ZC4H2: variants seen among roughly 807,000 people sequenced by gnomAD.
ZC4H2 encodes zinc finger C4H2-type containing.
For synonymous variants in ZC4H2, 84 were observed against 66.3 expected, an observed-to-expected ratio of 1.27 and a Z score of -1.30; for missense variants, 137 against 173.9, an observed-to-expected ratio of 0.79 and a Z score of 1.19.
At chrX:64,923,855 T>C (rs1275702058) in intron 1 of ZC4H2, among the ~76,000 whole-genome samples, 4 of 110,016 alleles carry the variant, frequency 3.6e-5, no homozygotes, top group African/African-American at 1.3e-4. Flanking sequence ...CTACATACCA[T>C]CCATACCATC....
intron 1 of ZC4H2, among the ~76,000 whole-genome samples, chrX:65,013,734 G>A (rs900377738): frequency 1.8e-4 from 20 of 111,647 alleles, no homozygotes; most frequent in Non-Finnish European, 3.8e-4. Context: ...ATAGTTACCT[G>A]TGAAAGACCC....
At chrX:64,927,838 G>A (rs1929499174) in intron 1 of ZC4H2, among the ~76,000 whole-genome samples, 1 of 112,428 alleles carries the variant, frequency 8.9e-6, no homozygotes, top group South Asian at 3.7e-4. Flanking sequence ...GTGTGAGATA[G>A]TATCTCATTT....
At chrX:64,980,956 A>G (rs1300895977), upstream of ZC4H2, among the ~76,000 whole-genome samples, 7 of 110,430 alleles carry the variant, frequency 6.3e-5, no homozygotes, top group Admixed American at 1.9e-4. Context: ...CAGGAGGGGG[A>G]ATGTTTTAGT....
chrX:64,925,876 A>G (rs1929403388), intron 1 of ZC4H2, among the ~76,000 whole-genome samples: 1 of 112,142 alleles, frequency 8.9e-6, no homozygotes, highest in Non-Finnish European at 1.9e-5. Flanking sequence ...TACAAGGTAC[A>G]TAGCCACAAT....
At chrX:65,012,561 A>G (rs751575432) in intron 1 of ZC4H2, among the ~76,000 whole-genome samples, 4 of 111,768 alleles carry the variant, frequency 3.6e-5, no homozygotes, top group Non-Finnish European at 7.5e-5. Flanking sequence ...ACATCTGCTC[A>G]ACAATCATAT....
chrX:65,028,657 G>T (rs1932905076), intron 1 of ZC4H2, among the ~76,000 whole-genome samples: 2 of 110,165 alleles, frequency 1.8e-5, no homozygotes, highest in South Asian at 7.8e-4. Context: ...TCAGCCTCCT[G>T]AATAGTTGGG....
chrX:65,007,942 A>C (rs1013248806), intron 1 of ZC4H2, among the ~76,000 whole-genome samples: 2 of 111,943 alleles, frequency 1.8e-5, no homozygotes, highest in African/African-American at 6.5e-5. Flanking sequence ...TCAGGTGACC[A>C]AAACAAAAAT....
At chrX:65,028,956 G>A (rs1359299460) in intron 1 of ZC4H2, among the ~76,000 whole-genome samples, 1 of 111,200 alleles carries the variant, frequency 9.0e-6, no homozygotes, top group Non-Finnish European at 1.9e-5. Flanking sequence ...ATGTTGAGTG[G>A]ACAGTTGGAC....
At chrX:65,022,148 A>G (rs1602459557) in intron 1 of ZC4H2, among the ~76,000 whole-genome samples, 1 of 112,127 alleles carries the variant, frequency 8.9e-6, no homozygotes, top group African/African-American at 3.2e-5. Flanking sequence ...ACAATAGAAA[A>G]AGAGAGAATC....
At chrX:64,976,530 C>G, upstream of ZC4H2, 1 of 536,102 alleles carries the variant, frequency 1.9e-6, no homozygotes, top group Non-Finnish European at 3.1e-6. Context: ...TCCGGAGCTT[C>G]AGGGCCAGCC....
Position 65,004,043 on chromosome X carries a change from G to A in ZC4H2, c.-272+30586C>T, listed in dbSNP as rs1264581443. Reference sequence around the variant, plus strand: ...ACTTCCAAGACTAAACCAGGAAGAAGTTGAATCCCTGAATAGACCAATAGC... The same window carrying A: ...ACTTCCAAGACTAAACCAGGAAGAAATTGAATCCCTGAATAGACCAATAGC... On this transcript the variant is annotated intron_variant, in intron 1 of 4. Coordinates refer to the ZC4H2 transcript ENST00000337990. Among the ~76,000 whole-genome samples, 4 of 111,815 alleles carry A rather than the reference G, an allele frequency of 3.6e-5. No homozygotes were observed. The Admixed American group carries it at 3.8e-4, about 11-fold the overall frequency.
At chrX:64,945,470 C>A (rs747432059) in intron 1 of ZC4H2, among the ~76,000 whole-genome samples, 7 of 111,400 alleles carry the variant, frequency 6.3e-5, no homozygotes, top group South Asian at 7.7e-4. Context: ...CCCAGAGGGG[C>A]ACCTGCCAGA....
intron 1 of ZC4H2, among the ~76,000 whole-genome samples, chrX:65,015,456 C>A (rs1410697117): frequency 4.5e-5 from 5 of 112,090 alleles, no homozygotes; most frequent in Admixed American, 9.4e-5. Context: ...TATGATGGCA[C>A]CTCACTCCTC....
At chrX:64,934,164 CTTG>C (rs1281641111) in intron 1 of ZC4H2, among the ~76,000 whole-genome samples, 2 of 112,102 alleles carry the variant, frequency 1.8e-5, no homozygotes, top group Middle Eastern at 4.7e-3. Flanking sequence ...AGGGTGTTAC[CTTG>C]TTGTGGTCCC....
chrX:64,952,046 A>T (rs1171189888), intron 1 of ZC4H2, among the ~76,000 whole-genome samples: 4 of 110,887 alleles, frequency 3.6e-5, no homozygotes, highest in Admixed American at 1.9e-4. Context: ...AGCACCATTT[A>T]TTAAATAGGG....
intron 1 of ZC4H2, among the ~76,000 whole-genome samples, chrX:65,026,419 G>A (rs1433400399): frequency 8.9e-6 from 1 of 111,782 alleles, no homozygotes; most frequent in Non-Finnish European, 1.9e-5. Context: ...AGCAACGAAA[G>A]GAATTTAGCG....
In ZC4H2 at chrX:64,919,157, G is replaced by A. The variant is rs1057310066; in HGVS notation, c.446C>T (p.Pro149Leu). 1 of 1,210,553 alleles carries A rather than the reference G, an allele frequency of 8.3e-7. No homozygotes were observed. The highest frequency in any genetic ancestry group is 1.7e-5 in the African/African-American group (1 of 57,738). The change falls in exon 4 of 5, where the codon CCC (proline) becomes CTC (leucine). Residue 149 changes from proline (P) to leucine (L), a missense_variant. Physicochemically the swap from Pro to Leu is moderately conservative, Grantham distance 98. Coordinates refer to ENST00000374839, the MANE Select transcript of ZC4H2 (RefSeq NM_018684.4). ...KAEWQTEPQE[P>L]PIPESLAAAA... The stretch of plus-strand genomic sequence containing the variant: ...AGCGGCCAGGGACTCAGGGATGGGG[G>A]GCTCCTGAGGTTCTGTCTGCCATTC...
intron 1 of ZC4H2, among the ~76,000 whole-genome samples, chrX:64,985,779 T>C (rs1440468109): frequency 2.7e-5 from 3 of 111,766 alleles, no homozygotes. Context: ...AATTTTCCTA[T>C]GGCAAGCAGA....
In ZC4H2 at chrX:64,962,003, C is replaced by T. The variant is rs887025947; in HGVS notation, c.53+14322G>A. ...ACAGACACTTAAAGAAGAGTTAATG[C>T]CAATCCTTTTCAAGCTTTTCCAAAA... On this transcript the variant is annotated intron_variant, in intron 1 of 4. Coordinates refer to ENST00000374839, the MANE Select transcript of ZC4H2 (RefSeq NM_018684.4). 2.7e-5 allele frequency among the ~76,000 whole-genome samples: 3 copies of T among 111,268 alleles called. No individual in the cohort carries two copies. The Admixed American group carries it at 2.9e-4, about 11-fold the overall frequency.
Sources: gnomAD v4.1 joint callset for allele counts (sites outside exome capture counted in the v4.1 genomes callset) on GRCh38, gnomAD v4.1.1 for gene constraint, MANE v1.5 for transcripts, NCBI Gene and HGNC (gene_info 2026-07-23, HGNC 2026-07-21) for gene names.